The following PLD5 variants were observed in gnomAD, a reference collection of about 807,000 sequenced individuals.
PLD5 encodes inactive phospholipase D5.
Under a neutral mutation model 61.1 loss-of-function variants are expected in PLD5, and 36 were observed. That is an observed-to-expected ratio of 0.59 (90% CI 0.45 to 0.78). The LOEUF (loss-of-function observed/expected upper bound fraction) is 0.78. PLD5 is among the 30% of genes least tolerant of loss of function. The pLI is 0.00. For synonymous variants in PLD5, 243 were observed against 242.8 expected, an observed-to-expected ratio of 1.00 and a Z score of -0.01; for missense variants, 515 against 644.4, an observed-to-expected ratio of 0.80 and a Z score of 2.17.
chr1:242,228,156 A>C (rs879910858), intron 4 of PLD5, among the ~76,000 whole-genome samples: 18 of 152,244 alleles, frequency 1.2e-4, no homozygotes, highest in African/African-American at 7.2e-5. Context: ...AGCAACTTTA[A>C]GGAGACAACT....
intron 1 of PLD5, among the ~76,000 whole-genome samples, chr1:242,480,658 C>A (rs1464742128): frequency 1.3e-5 from 2 of 151,968 alleles, no homozygotes; most frequent in Non-Finnish European, 2.9e-5. Context: ...AATAATAAGA[C>A]CAAGTAACCC....
chr1:242,156,235 C>T (rs1164658701), intron 5 of PLD5, among the ~76,000 whole-genome samples: 2 of 152,140 alleles, frequency 1.3e-5, no homozygotes, highest in African/African-American at 4.8e-5. Context: ...TATTTTGAGC[C>T]TATGTGTGTC....
chr1:242,529,307 A>T (rs1385920756), upstream of PLD5, among the ~76,000 whole-genome samples: 1 of 152,222 alleles, frequency 6.6e-6, no homozygotes, highest in Non-Finnish European at 1.5e-5. Context: ...TAAATGTTAC[A>T]TATTTAATAA....
chr1:242,415,475 A>C (rs979619399), intron 1 of PLD5, among the ~76,000 whole-genome samples: 32 of 152,060 alleles, frequency 2.1e-4, no homozygotes, highest in African/African-American at 7.5e-4. Context: ...AATTGCAAAA[A>C]GCTAACAAAA....
At chr1:242,246,030 C>T (rs542796709) in intron 4 of PLD5, among the ~76,000 whole-genome samples, 2 of 152,178 alleles carry the variant, frequency 1.3e-5, no homozygotes, top group East Asian at 3.9e-4. Context: ...CAGAATAACC[C>T]TAGGCAGTAG....
intron 1 of PLD5, among the ~76,000 whole-genome samples, chr1:242,492,572 T>C (rs907270398): frequency 3.9e-5 from 6 of 151,968 alleles, no homozygotes; most frequent in Admixed American, 1.3e-4. Context: ...ATACTGTTAC[T>C]ATGGTATTGC....
chr1:242,377,176 G>T (rs565372403), intron 1 of PLD5: 1 of 1,611,528 alleles, frequency 6.2e-7, no homozygotes, highest in South Asian at 1.1e-5. Context: ...TGTCTGGAGA[G>T]AGAGACGTGA....
chr1:242,410,520 C>T lies in PLD5; in HGVS notation c.190-62278G>A, dbSNP rs553480574. 9.2e-5 allele frequency among the ~76,000 whole-genome samples: 14 copies of T among 152,072 alleles called. 1 individual carries two copies. Among genetic ancestry groups the T allele is most frequent in the African/African-American group, 3.4e-4 (14 of 41,480 alleles). On this transcript the variant is annotated intron_variant, in intron 1 of 9. Transcript: ENST00000536534. ...GCTGGAAGAAAAGGAGTTAAGATAC[C>T]TACTGTTGAGAGTTTTAAAAATTGT...
intron 5 of PLD5, among the ~76,000 whole-genome samples, chr1:242,137,665 C>A (rs184851532): frequency 3.3e-5 from 5 of 152,204 alleles, no homozygotes; most frequent in Non-Finnish European, 5.9e-5. Context: ...CTATAAAGTA[C>A]AGCCAAGTGT....
Position 242,243,262 on chromosome 1 carries a change from C to T in PLD5, c.607+22075G>A, listed in dbSNP as rs148124024. On this transcript the variant is annotated intron_variant, in intron 4 of 9. Transcript: ENST00000536534. ...GGAAAAAGGCAGTTTAAAGAGAGTC[C>T]GGCCAAACTGGTTTCTGAAGAAGAG... Among the ~76,000 whole-genome samples, 35 of 152,280 alleles carry T rather than the reference C, an allele frequency of 2.3e-4. No homozygotes were observed. In the East Asian group the frequency reaches 6.0e-3, roughly 26 times the overall value.
chr1:242,528,301 T>C (rs1669488778), upstream of PLD5, among the ~76,000 whole-genome samples: 1 of 152,208 alleles, frequency 6.6e-6, no homozygotes. Flanking sequence ...TAGAGTCCAA[T>C]GTTACTGTTC....
intron 2 of PLD5, among the ~76,000 whole-genome samples, chr1:242,304,877 G>A (rs1285245950): frequency 6.6e-6 from 1 of 152,144 alleles, no homozygotes; most frequent in Non-Finnish European, 1.5e-5. Context: ...GCAGAAGTGG[G>A]CAGATCGCTT....
chr1:242,329,001 TTG>T (rs1463646781), intron 2 of PLD5, among the ~76,000 whole-genome samples: 1 of 120,952 alleles, frequency 8.3e-6, no homozygotes, highest in African/African-American at 3.1e-5. Context: ...TGCAAATTTT[TTG>T]TTTTATTTAT....
chr1:242,379,007 T>C (rs1285320172), intron 1 of PLD5, among the ~76,000 whole-genome samples: 1 of 152,180 alleles, frequency 6.6e-6, no homozygotes, highest in East Asian at 1.9e-4. Flanking sequence ...TCTCCTCTCA[T>C]TCCTAGTCTT....
At chr1:242,467,355 G>A (rs1237294570) in intron 1 of PLD5, among the ~76,000 whole-genome samples, 3 of 152,084 alleles carry the variant, frequency 2.0e-5, no homozygotes, top group Non-Finnish European at 4.4e-5. Flanking sequence ...TGTCAATTCT[G>A]GATATCTTGA....
chr1:242,430,024 T>C (rs928244300), intron 1 of PLD5, among the ~76,000 whole-genome samples: 1 of 152,150 alleles, frequency 6.6e-6, no homozygotes, highest in South Asian at 2.1e-4. Context: ...CCAAGCTGCA[T>C]AGACATTTTT....
intron 4 of PLD5, among the ~76,000 whole-genome samples, chr1:242,245,246 A>G (rs1672288453): frequency 6.6e-6 from 1 of 152,242 alleles, no homozygotes; most frequent in Admixed American, 6.5e-5. Flanking sequence ...AAACCAGAGT[A>G]AAGGTGCTAC....
At chr1:242,501,790 TTA>T (rs10648981) in intron 1 of PLD5, among the ~76,000 whole-genome samples, 63,958 of 147,048 alleles carry the variant, frequency 0.43, 14,273 homozygotes, top group East Asian at 0.62. Context: ...TAATATTCCA[TTA>T]TATATATATA....
intron 1 of PLD5, among the ~76,000 whole-genome samples, chr1:242,477,158 G>A (rs1436610303): frequency 6.6e-6 from 1 of 152,124 alleles, no homozygotes; most frequent in Non-Finnish European, 1.5e-5. Context: ...GCTGAGGCAG[G>A]AGAATTGCTT....
Sources: gnomAD v4.1 joint callset for allele counts (sites outside exome capture counted in the v4.1 genomes callset) on GRCh38, gnomAD v4.1.1 for gene constraint, MANE v1.5 for transcripts, NCBI Gene and HGNC (gene_info 2026-07-23, HGNC 2026-07-21) for gene names.